Variants in GRIK4 observed in about 807,000 individuals in gnomAD.
The protein encoded by GRIK4 is glutamate ionotropic receptor kainate type subunit 4.
Under a neutral mutation model 104.9 loss-of-function variants are expected in GRIK4, and 40 were observed. The observed-to-expected ratio is 0.38, with a 90% confidence interval of 0.30 to 0.50. The LOEUF is 0.50. Ranked by LOEUF, GRIK4 falls within the 20% of genes least tolerant of loss-of-function variation. The probability of loss-of-function intolerance (pLI) is 0.93; values close to 1 mark genes in which losing one functional copy is unlikely to be tolerated. For missense variants in GRIK4, 1,047 were observed against 1,308.1 expected, an observed-to-expected ratio of 0.80 and a Z score of 3.08; for synonymous variants, 485 against 524.9, an observed-to-expected ratio of 0.92 and a Z score of 1.04.
chr11:120,641,776 G>C (rs1949474780), intron 1 of GRIK4, among the ~76,000 whole-genome samples: 1 of 152,086 alleles, frequency 6.6e-6, no homozygotes, highest in South Asian at 2.1e-4. Context: ...TGTATCTTGT[G>C]TTGACCTCCT....
intron 11 of GRIK4, among the ~76,000 whole-genome samples, chr11:120,890,514 C>T (rs1245497244): frequency 6.6e-6 from 1 of 152,244 alleles, no homozygotes; most frequent in Non-Finnish European, 1.5e-5. Context: ...AGACAAGATA[C>T]ACCTGTCCTA....
intron 3 of GRIK4, among the ~76,000 whole-genome samples, chr11:120,689,285 C>A (rs772703454): frequency 3.2e-4 from 49 of 152,230 alleles, no homozygotes; most frequent in Non-Finnish European, 5.4e-4. Flanking sequence ...AGCCTCCTAC[C>A]TGCCTCCCAT....
chr11:120,745,280 C>A (rs1445595769), intron 3 of GRIK4, among the ~76,000 whole-genome samples: 1 of 152,210 alleles, frequency 6.6e-6, no homozygotes. Flanking sequence ...AGTTAACCAG[C>A]ATGGGTGAAC....
intron 1 of GRIK4, among the ~76,000 whole-genome samples, chr11:120,604,478 G>A (rs1259446107): frequency 1.3e-5 from 2 of 152,254 alleles, no homozygotes; most frequent in African/African-American, 4.8e-5. Context: ...TGGCCGGCAG[G>A]TTTAAGACCT....
intron 6 of GRIK4, among the ~76,000 whole-genome samples, chr11:120,826,646 A>G (rs1953267999): frequency 1.3e-5 from 2 of 152,208 alleles, no homozygotes; most frequent in Admixed American, 1.3e-4. Flanking sequence ...CATTCTTGCC[A>G]TTGTAGAAGG....
intron 1 of GRIK4, among the ~76,000 whole-genome samples, chr11:120,641,916 T>G (rs1949476174): frequency 6.6e-6 from 1 of 152,224 alleles, no homozygotes; most frequent in South Asian, 2.1e-4. Flanking sequence ...TTTGGCTGAT[T>G]CCAACATTGT....
At chr11:120,793,485 C>T (rs754602429) in intron 3 of GRIK4, among the ~76,000 whole-genome samples, 3 of 152,078 alleles carry the variant, frequency 2.0e-5, no homozygotes, top group Non-Finnish European at 4.4e-5. Flanking sequence ...CTGGAGCCCT[C>T]GTTACCTGAG....
chr11:120,877,356 G>C (rs1488488066), intron 11 of GRIK4, among the ~76,000 whole-genome samples: 1 of 152,202 alleles, frequency 6.6e-6, no homozygotes, highest in Admixed American at 6.5e-5. Context: ...CCTGCACAGA[G>C]AGAGTGCTCA....
chr11:120,700,184 A>G (rs925527300), intron 3 of GRIK4, among the ~76,000 whole-genome samples: 4 of 152,010 alleles, frequency 2.6e-5, no homozygotes, highest in Non-Finnish European at 5.9e-5. Context: ...AACTCCTACT[A>G]TAGTTACGTG....
chr11:120,618,511 CAAG>C (rs1949143336), intron 1 of GRIK4, among the ~76,000 whole-genome samples: 1 of 152,182 alleles, frequency 6.6e-6, no homozygotes, highest in Admixed American at 6.5e-5. Flanking sequence ...TGCTAATAGC[CAAG>C]ACAGTAGGGA....
intron 3 of GRIK4, among the ~76,000 whole-genome samples, chr11:120,782,285 CT>C (rs1264123873): frequency 2.0e-3 from 267 of 132,668 alleles, no homozygotes; most frequent in East Asian, 0.011. Flanking sequence ...GCCAGTATGA[CT>C]TTTTTTTTTT....
chr11:120,580,251 CTT>C (rs1227245497), intron 1 of GRIK4, among the ~76,000 whole-genome samples: 43 of 104,488 alleles, frequency 4.1e-4, no homozygotes, highest in African/African-American at 1.7e-3. Context: ...TTCTTTCTTT[CTT>C]TTTCTTTCTT....
intron 3 of GRIK4, among the ~76,000 whole-genome samples, chr11:120,790,997 C>G (rs1216175909): frequency 2.6e-5 from 4 of 152,138 alleles, no homozygotes; most frequent in Non-Finnish European, 5.9e-5. Flanking sequence ...ACATTTCTTA[C>G]TAGTAGCCAG....
chr11:120,624,467 C>T (rs1352461855), intron 1 of GRIK4, among the ~76,000 whole-genome samples: 1 of 152,128 alleles, frequency 6.6e-6, no homozygotes, highest in Non-Finnish European at 1.5e-5. Context: ...CTCCTTGTCC[C>T]ATAGCCACTC....
chr11:120,819,984 C>T lies in GRIK4; in HGVS notation c.511+64C>T, dbSNP rs1953067457. 1.3e-6 allele frequency: 2 copies of T among 1,514,548 alleles called. No individual in the cohort carries two copies. The highest frequency in any genetic ancestry group is 1.2e-5 in the South Asian group (1 of 86,400). 93.8% of individuals were successfully genotyped at this position (1,514,548 alleles called of 1,614,324 possible). ...GTCTTGTTGATTTTGCCCTGATTCC[C>T]TGTGCCCCTGGCTGGAGACCCTCCA... On this transcript the variant is annotated intron_variant, in intron 6 of 20. Coordinates refer to ENST00000527524, the MANE Select transcript of GRIK4 (RefSeq NM_014619.5). This position sits in a 1 kb window ranked among gnomAD's most constrained non-coding sequence, Gnocchi z 4.3.
intron 8 of GRIK4, among the ~76,000 whole-genome samples, chr11:120,855,247 A>G (rs569740723): frequency 6.6e-6 from 1 of 152,282 alleles, no homozygotes; most frequent in South Asian, 2.1e-4. Flanking sequence ...GAGCCATCTT[A>G]GCCACACAAG....
chr11:120,536,696 T>C (rs142525896), intron 1 of GRIK4, among the ~76,000 whole-genome samples: 228 of 152,216 alleles, frequency 1.5e-3, no homozygotes, highest in African/African-American at 5.3e-3. Context: ...ATTATCCAAT[T>C]GATATGAGGC....
intron 1 of GRIK4, among the ~76,000 whole-genome samples, chr11:120,534,511 A>G (rs1284180797): frequency 6.6e-6 from 1 of 152,136 alleles, no homozygotes; most frequent in Non-Finnish European, 1.5e-5. Context: ...AGAACCGTGC[A>G]CGCTGGGGCC....
At chr11:120,896,588 C>G (rs2134472338) in intron 11 of GRIK4, among the ~76,000 whole-genome samples, 1 of 152,344 alleles carries the variant, frequency 6.6e-6, no homozygotes, top group Admixed American at 6.5e-5. Flanking sequence ...GAGCTCCCAG[C>G]TGATGGTCTG....
Sources: gnomAD v4.1 joint callset for allele counts (sites outside exome capture counted in the v4.1 genomes callset) on GRCh38, gnomAD v4.1.1 for gene constraint, Gnocchi (gnomAD v3.1) non-coding constraint, MANE v1.5 for transcripts, NCBI Gene and HGNC (gene_info 2026-07-23, HGNC 2026-07-21) for gene names.